Variants in SNCB observed in about 807,000 individuals in gnomAD.
SNCB encodes the protein beta-synuclein.
SNCB carries 8 observed loss-of-function variants against 20.0 expected under a neutral mutation model. That is an observed-to-expected ratio of 0.40 (90% confidence interval 0.24 to 0.72). The LOEUF (loss-of-function observed/expected upper bound fraction) is 0.72, where lower values mean the gene tolerates loss of function less well. Ranked by LOEUF, SNCB falls within the 30% of genes least tolerant of loss-of-function variation. The probability of loss-of-function intolerance (pLI) is 0.37; values close to 1 mark genes in which losing one functional copy is unlikely to be tolerated. For missense variants in SNCB, 125 were observed against 168.0 expected, an observed-to-expected ratio of 0.74 and a Z score of 1.41; for synonymous variants, 56 against 65.4, an observed-to-expected ratio of 0.86 and a Z score of 0.69.
Position 176,629,373 on chromosome 5 carries a change from T to C in SNCB, c.121+161A>G. 1 of 740,178 alleles carries C rather than the reference T, an allele frequency of 1.4e-6. No homozygotes were observed. Among genetic ancestry groups the C allele is most frequent in the Non-Finnish European group, 2.2e-6 (1 of 453,730 alleles). The allele number at this position is 740,178 out of a possible 1,614,324, so 45.9% of individuals were successfully genotyped here. A position where few individuals can be genotyped will look rare whatever the true frequency, so the allele number is the denominator to read the frequency against. ...CCATTTCCGGATACAGACCCAGGCTTCTATGGGCTGGCTATGTCCCCTATG... is the reference window on the plus strand; with the variant it reads ...CCATTTCCGGATACAGACCCAGGCTCCTATGGGCTGGCTATGTCCCCTATG... On this transcript the variant is annotated intron_variant, in intron 2 of 5. Transcript: ENST00000393693. This position sits in a 1 kb window ranked among gnomAD's most constrained non-coding sequence, Gnocchi z 4.1.
At chr5:176,624,464 G>C (rs1279253396) in intron 4 of SNCB, among the ~76,000 whole-genome samples, 12 of 152,230 alleles carry the variant, frequency 7.9e-5, no homozygotes, top group Non-Finnish European at 1.8e-4. Flanking sequence ...TCATGAAAGA[G>C]ATCAATGAAT....
chr5:176,629,377 T>C lies in SNCB; in HGVS notation c.121+157A>G, dbSNP rs1581177542. ...TTCCGGATACAGACCCAGGCTTCTA[T>C]GGGCTGGCTATGTCCCCTATGACCC... On this transcript the variant is annotated intron_variant, in intron 2 of 5. Transcript: ENST00000393693. The surrounding 1 kb of genome is among the most constrained non-coding windows in gnomAD (Gnocchi z 4.1). 1 of 756,302 alleles carries C rather than the reference T, an allele frequency of 1.3e-6. No individual in the cohort carries two copies. The highest frequency in any genetic ancestry group is 2.1e-6 in the Non-Finnish European group (1 of 467,420). The allele number at this position is 756,302 out of a possible 1,614,324, so 46.8% of individuals were successfully genotyped here.
chr5:176,623,036 T>C (rs1759703512), intron 4 of SNCB, among the ~76,000 whole-genome samples: 1 of 151,820 alleles, frequency 6.6e-6, no homozygotes, highest in African/African-American at 2.4e-5. Context: ...CCCAGCCTCA[T>C]GATAACATTT....
chr5:176,629,637 C>G lies in SNCB; in HGVS notation c.18G>C (p.Lys6Asn). 6.2e-7 allele frequency: 1 copy of G among 1,613,840 alleles called. No homozygotes were observed. The highest frequency in any genetic ancestry group is 8.5e-7 in the Non-Finnish European group (1 of 1,179,904). Residue 6 changes from lysine to asparagine, a missense_variant, in exon 2 of 6, where the codon AAG becomes AAC. By Grantham distance (94) the Lys-to-Asn change is moderately conservative. Coordinates refer to ENST00000393693, the MANE Select transcript of SNCB (RefSeq NM_003085.5). The surrounding 1 kb of genome is among the most constrained non-coding windows in gnomAD (Gnocchi z 4.1). MDVFM[K>N]GLSMAKEGVV... ...CGCCCTCCTTGGCCATGGACAGGCC[C>G]TTCATGAACACGTCCATCCTGGCGG...
Position 176,621,310 on chromosome 5 carries a change from G to A in SNCB, c.283-7C>T, listed in dbSNP as rs1759580883. On this transcript the variant is annotated splice_polypyrimidine_tract_variant and splice_region_variant and intron_variant, in intron 4 of 5. Transcript: ENST00000393693. This position sits in a 1 kb window ranked among gnomAD's most constrained non-coding sequence, Gnocchi z 4.1. ...CCTGGGCCACTTCCTCTGGCTGTGG[G>A]CAGAAAAGGTCAGGACTCGTGAGGA... 4.3e-6 allele frequency: 7 copies of A among 1,610,908 alleles called. No homozygotes were observed. The highest frequency in any genetic ancestry group is 5.9e-6 in the Non-Finnish European group (7 of 1,178,320).
rs1385348422 is a variant in SNCB, at chr5:176,620,593, G to A, written c.*218C>T. ...CACTGGAGGGGCGAGGCTCCCAGCC[G>A]CGACCGCAACCCTGGCCCTGTCCAT... On this transcript the variant is annotated 3_prime_UTR_variant, in exon 6 of 6. Coordinates refer to ENST00000393693, the MANE Select transcript of SNCB (RefSeq NM_003085.5). The surrounding 1 kb of genome is among the most constrained non-coding windows in gnomAD (Gnocchi z 4.5). The A allele has an allele frequency of 1.0e-5, 6 of 600,168 alleles. No homozygotes were observed. The highest frequency in any genetic ancestry group is 3.0e-6 in the Non-Finnish European group (1 of 336,670). The allele number at this position is 600,168 out of a possible 1,614,324, so 37.2% of individuals were successfully genotyped here.
At chr5:176,625,550 T>C (rs1302538474) in intron 4 of SNCB, among the ~76,000 whole-genome samples, 1 of 151,720 alleles carries the variant, frequency 6.6e-6, no homozygotes, top group Non-Finnish European at 1.5e-5. Context: ...AGTAGTGGAG[T>C]TAGGATTCAA....
At chr5:176,625,386 C>T (rs1229971837) in intron 4 of SNCB, among the ~76,000 whole-genome samples, 1 of 152,176 alleles carries the variant, frequency 6.6e-6, no homozygotes, top group Non-Finnish European at 1.5e-5. Context: ...GTATTTTAAC[C>T]TGGCCTCTTG....
In SNCB at chr5:176,629,906, T is replaced by A; in HGVS notation, c.-9-243A>T. ...GCCACTGCCTCGGTTATCCGGGCCC[T>A]GCAAACTGCAGCCCCGTCGAACCGG... On this transcript the variant is annotated intron_variant, in intron 1 of 5. Coordinates refer to ENST00000393693, the MANE Select transcript of SNCB (RefSeq NM_003085.5). This position sits in a 1 kb window ranked among gnomAD's most constrained non-coding sequence, Gnocchi z 4.1. 1 of 491,384 alleles carries A rather than the reference T, an allele frequency of 2.0e-6. No individual in the cohort carries two copies. The highest frequency in any genetic ancestry group is 2.7e-5 in the South Asian group (1 of 37,116). 30.4% of individuals were successfully genotyped at this position (491,384 alleles called of 1,614,324 possible). A position where few individuals can be genotyped will look rare whatever the true frequency, so the allele number is the denominator to read the frequency against.
rs934410988 is a variant in SNCB, at chr5:176,621,258, G to T, written c.328C>A (p.Pro110Thr). ...QEAAEEPLIE[P>T]LMEPEGESYE... Reference sequence around the variant, plus strand: ...CTCTCCCCTTCTGGCTCCATCAGGGGCTCAATCAGTGGTTCTTCAGCAGCT... The same window carrying T: ...CTCTCCCCTTCTGGCTCCATCAGGGTCTCAATCAGTGGTTCTTCAGCAGCT... Residue 110 changes from proline to threonine, a missense_variant, in exon 5 of 6, where the codon CCC becomes ACC. Transcript: ENST00000393693. The surrounding 1 kb of genome is among the most constrained non-coding windows in gnomAD (Gnocchi z 4.1). 6.2e-7 allele frequency: 1 copy of T among 1,613,744 alleles called. No individual in the cohort carries two copies. Among genetic ancestry groups the T allele is most frequent in the Non-Finnish European group, 8.5e-7 (1 of 1,179,948 alleles).
At position 176,629,963 on chromosome 5, in the gene SNCB, C is replaced by T. The variant is rs1158137561; in HGVS notation, c.-9-300G>A. ...GGGTTCGGCGCGAATATCCAGGACC[C>T]GCCTGTACACGCACGGCACAGTCAC... On this transcript the variant is annotated intron_variant, in intron 1 of 5. Coordinates refer to ENST00000393693, the MANE Select transcript of SNCB (RefSeq NM_003085.5). The surrounding 1 kb of genome is among the most constrained non-coding windows in gnomAD (Gnocchi z 4.1). 5.8e-6 allele frequency: 2 copies of T among 342,420 alleles called. No individual in the cohort carries two copies. The highest frequency in any genetic ancestry group is 4.5e-5 in the Admixed American group (1 of 22,218). 21.2% of individuals were successfully genotyped at this position (342,420 alleles called of 1,614,324 possible).
At position 176,629,301 on chromosome 5, in the gene SNCB, T is replaced by C. The variant is rs2113417959; in HGVS notation, c.121+233A>G. 1 of 578,922 alleles carries C rather than the reference T, an allele frequency of 1.7e-6. No homozygotes were observed. The highest frequency in any genetic ancestry group is 3.1e-6 in the Non-Finnish European group (1 of 323,348). The allele number at this position is 578,922 out of a possible 1,614,324, so 35.9% of individuals were successfully genotyped here. On this transcript the variant is annotated intron_variant, in intron 2 of 5. Transcript: ENST00000393693. The surrounding 1 kb of genome is among the most constrained non-coding windows in gnomAD (Gnocchi z 4.1). ...CTGCTTTCATCACTGCACTGGTCCC[T>C]GGCCTTTCAGCTGGAGCCCCCCACC...
In SNCB at chr5:176,620,759, GGGGC is replaced by G; in HGVS notation, c.*48_*51del. On this transcript the variant is annotated 3_prime_UTR_variant, in exon 6 of 6. Coordinates refer to ENST00000393693, the MANE Select transcript of SNCB (RefSeq NM_003085.5). This position sits in a 1 kb window ranked among gnomAD's most constrained non-coding sequence, Gnocchi z 4.5. ...AAGGACAGCCCTGGCTCTGGGGGGC[GGGGC>G]AGGGACAGGGACAGAATTGTGCTGC... is the stretch of plus-strand genomic sequence containing the variant. 7.6e-7 allele frequency: 1 copy of G among 1,318,776 alleles called. No individual in the cohort carries two copies. The highest frequency in any genetic ancestry group is 1.4e-5 in the African/African-American group (1 of 69,452). The allele number at this position is 1,318,776 out of a possible 1,614,324, so 81.7% of individuals were successfully genotyped here.
At position 176,620,405 on chromosome 5, in the gene SNCB, A is replaced by T; in HGVS notation, c.*406T>A. On this transcript the variant is annotated 3_prime_UTR_variant, in exon 6 of 6. Transcript: ENST00000393693. The surrounding 1 kb of genome is among the most constrained non-coding windows in gnomAD (Gnocchi z 4.5). The stretch of plus-strand genomic sequence containing the variant: ...CTCCTGGTTTTGGTTAAAAAAAAAA[A>T]GGTTCTCGAGGTTAATGGGAGTCGG... 1 of 196,732 alleles carries T rather than the reference A, an allele frequency of 5.1e-6. No homozygotes were observed. The highest frequency in any genetic ancestry group is 1.0e-5 in the Non-Finnish European group (1 of 95,860). 12.2% of individuals were successfully genotyped at this position (196,732 alleles called of 1,614,324 possible).
In SNCB at chr5:176,626,335, GGTGT is replaced by G. The variant is rs5873543; in HGVS notation, c.282+59_282+62del. 335,334 of 741,658 alleles carry G rather than the reference GGTGT, an allele frequency of 0.45. 23,500 individuals carry two copies. Among genetic ancestry groups the G allele is most frequent in the Non-Finnish European group, 0.49 (223,844 of 455,428 alleles). The allele number at this position is 741,658 out of a possible 1,614,324, so 45.9% of individuals were successfully genotyped here. The stretch of plus-strand genomic sequence containing the variant: ...TGGTGACAGGTTTATTTGTGTGCCT[GGTGT>G]GTGTGTGTGTGTGTGTGTGTGTGTT... On this transcript the variant is annotated intron_variant, in intron 4 of 5. Coordinates refer to ENST00000393693, the MANE Select transcript of SNCB (RefSeq NM_003085.5). The surrounding 1 kb of genome is among the most constrained non-coding windows in gnomAD (Gnocchi z 4.2).
At position 176,626,667 on chromosome 5, in the gene SNCB, CCA is replaced by C. The variant is rs774794631; in HGVS notation, c.163+51_163+52del. ...CCCGCCCCCGCCCTCTGGTTCCCGG[CCA>C]GATCATCCGCCTAAGTGAGAGAAGG... On this transcript the variant is annotated intron_variant, in intron 3 of 5. Coordinates refer to ENST00000393693, the MANE Select transcript of SNCB (RefSeq NM_003085.5). This position sits in a 1 kb window ranked among gnomAD's most constrained non-coding sequence, Gnocchi z 4.2. 46 of 1,605,724 alleles carry C rather than the reference CCA, an allele frequency of 2.9e-5. No homozygotes were observed. In the Admixed American group the frequency reaches 4.2e-4, roughly 15 times the overall value.
In SNCB at chr5:176,621,479, G is replaced by A. The variant is rs953869699; in HGVS notation, c.283-176C>T. 1.3e-5 allele frequency among the ~76,000 whole-genome samples: 2 copies of A among 152,210 alleles called. No individual in the cohort carries two copies. The highest frequency in any genetic ancestry group is 4.8e-5 in the African/African-American group (2 of 41,458). On this transcript the variant is annotated intron_variant, in intron 4 of 5. Coordinates refer to ENST00000393693, the MANE Select transcript of SNCB (RefSeq NM_003085.5). This position sits in a 1 kb window ranked among gnomAD's most constrained non-coding sequence, Gnocchi z 4.1. ...CCTTGGAAGTGGGATGGAGGTGAAG[G>A]GGGAAATTCCCCCGAATCACAGTTG...
intron 4 of SNCB, among the ~76,000 whole-genome samples, chr5:176,624,737 G>A (rs1759823988): frequency 6.6e-6 from 1 of 150,638 alleles, no homozygotes; most frequent in Admixed American, 6.7e-5. Context: ...AGGAGGCAGA[G>A]GTTGCAGTGA....
chr5:176,625,105 C>G (rs959125495), intron 4 of SNCB, among the ~76,000 whole-genome samples: 1 of 152,260 alleles, frequency 6.6e-6, no homozygotes, highest in East Asian at 1.9e-4. Context: ...AATGCCTGCA[C>G]ACACATGTCA....
Sources: gnomAD v4.1 joint callset for allele counts (sites outside exome capture counted in the v4.1 genomes callset) on GRCh38, gnomAD v4.1.1 for gene constraint, Gnocchi (gnomAD v3.1) non-coding constraint, MANE v1.5 for transcripts, NCBI Gene and HGNC (gene_info 2026-07-23, HGNC 2026-07-21) for gene names.